ZNF148: variants seen among roughly 807,000 people sequenced by gnomAD.
ZNF148 encodes the protein zinc finger protein 148.
A neutral mutation model predicts 67.7 loss-of-function variants in ZNF148; 7 were observed. That is an observed-to-expected ratio of 0.10 (90% CI 0.06 to 0.19). The LOEUF (loss-of-function observed/expected upper bound fraction) is 0.19, where lower values mean the gene tolerates loss of function less well. ZNF148 is among the 10% of genes least tolerant of loss of function. The pLI is 1.00. For missense variants in ZNF148, 583 were observed against 947.1 expected, an observed-to-expected ratio of 0.62 and a Z score of 5.05; for synonymous variants, 333 against 330.7, an observed-to-expected ratio of 1.01 and a Z score of -0.08.
chr3:125,241,648 T>C (rs766588404), intron 7 of ZNF148, among the ~76,000 whole-genome samples: 4 of 152,224 alleles, frequency 2.6e-5, no homozygotes, highest in Non-Finnish European at 5.9e-5. Flanking sequence ...TGGAAAGACA[T>C]ACTACAATTT....
chr3:125,353,633 A>G (rs1476050750), intron 1 of ZNF148, among the ~76,000 whole-genome samples: 2 of 151,956 alleles, frequency 1.3e-5, no homozygotes, highest in Non-Finnish European at 2.9e-5. Context: ...CTTTTTTTAT[A>G]TAGTAGGGAC....
At chr3:125,325,965 T>TTCCA (rs1940999202) in intron 2 of ZNF148, among the ~76,000 whole-genome samples, 2 of 152,162 alleles carry the variant, frequency 1.3e-5, no homozygotes, top group Non-Finnish European at 2.9e-5. Context: ...AGTGGCTAAC[T>TTCCA]TCCAGTTAGA....
intron 1 of ZNF148, among the ~76,000 whole-genome samples, chr3:125,353,040 C>A (rs1428008858): frequency 6.6e-6 from 1 of 152,130 alleles, no homozygotes; most frequent in Non-Finnish European, 1.5e-5. Flanking sequence ...ACCCAGCAAT[C>A]CCACTCTTGG....
intron 1 of ZNF148, among the ~76,000 whole-genome samples, chr3:125,343,201 G>C (rs1339025456): frequency 1.3e-5 from 2 of 152,084 alleles, no homozygotes; most frequent in Admixed American, 6.5e-5. Context: ...TACGTGTTTT[G>C]GTTTAGTATG....
intron 4 of ZNF148, among the ~76,000 whole-genome samples, chr3:125,304,414 G>C (rs1939764659): frequency 6.6e-6 from 1 of 152,132 alleles, no homozygotes; most frequent in Non-Finnish European, 1.5e-5. Context: ...CCATAAGGAG[G>C]GGGTCTGCTT....
intron 8 of ZNF148, 124 bp downstream of exon 8, chr3:125,234,087 T>A: frequency 8.0e-7 from 1 of 1,256,572 alleles, no homozygotes; most frequent in South Asian, 1.5e-5. Context: ...TTTTCTATTA[T>A]AAATCTAATC....
chr3:125,247,968 T>G (rs1936675611), intron 7 of ZNF148, among the ~76,000 whole-genome samples: 3 of 152,204 alleles, frequency 2.0e-5, no homozygotes, highest in Admixed American at 6.5e-5. Context: ...CATATATTTA[T>G]GACACTTCCA....
chr3:125,342,590 T>C (rs1238171480), intron 1 of ZNF148, among the ~76,000 whole-genome samples: 1 of 150,076 alleles, frequency 6.7e-6, no homozygotes, highest in Admixed American at 6.6e-5. Context: ...TGAAGAAAAG[T>C]TAAAAAAAAA....
intron 7 of ZNF148, among the ~76,000 whole-genome samples, chr3:125,265,772 G>A (rs898513323): frequency 6.6e-6 from 1 of 152,158 alleles, no homozygotes; most frequent in African/African-American, 2.4e-5. Flanking sequence ...AAGTACAATA[G>A]GCCCATATAG....
chr3:125,294,765 GA>G (rs1207246482), intron 4 of ZNF148, among the ~76,000 whole-genome samples: 3 of 152,022 alleles, frequency 2.0e-5, no homozygotes, highest in African/African-American at 7.2e-5. Context: ...TAAGGCCCAG[GA>G]AGGTTGAGTT....
At chr3:125,319,589 T>C (rs1327194471) in intron 3 of ZNF148, among the ~76,000 whole-genome samples, 1 of 152,230 alleles carries the variant, frequency 6.6e-6, no homozygotes, top group Non-Finnish European at 1.5e-5. Context: ...AATTAATATG[T>C]TTATGTCTGT....
chr3:125,307,128 C>G (rs1026706580), intron 4 of ZNF148, among the ~76,000 whole-genome samples: 20 of 150,926 alleles, frequency 1.3e-4, no homozygotes, highest in Non-Finnish European at 2.9e-5. Flanking sequence ...AAACTGAATT[C>G]AACAAGAAAA....
intron 1 of ZNF148, among the ~76,000 whole-genome samples, chr3:125,360,879 A>G (rs776418956): frequency 5.3e-5 from 8 of 150,758 alleles, no homozygotes; most frequent in African/African-American, 7.3e-5. Context: ...ATATATAGAA[A>G]AGAAAAGCCA....
intron 1 of ZNF148, among the ~76,000 whole-genome samples, chr3:125,340,229 C>CG (rs975622424): frequency 1.3e-5 from 2 of 152,162 alleles, no homozygotes; most frequent in African/African-American, 4.8e-5. Flanking sequence ...CACATTCCTC[C>CG]GCCAAAACAA....
intron 7 of ZNF148, among the ~76,000 whole-genome samples, chr3:125,243,273 A>G (rs977815330): frequency 3.9e-5 from 6 of 152,078 alleles, no homozygotes; most frequent in East Asian, 1.9e-4. Context: ...TTCTTCTGTT[A>G]TATCTTCTAT....
chr3:125,273,396 T>G (rs1018321188), intron 7 of ZNF148, among the ~76,000 whole-genome samples: 1 of 152,010 alleles, frequency 6.6e-6, no homozygotes, highest in African/African-American at 2.4e-5. Flanking sequence ...ATCTAAGAAC[T>G]AAAGGCTTAA....
intron 7 of ZNF148, among the ~76,000 whole-genome samples, chr3:125,259,863 G>GTTT (rs1937257492): frequency 6.6e-6 from 1 of 152,118 alleles, no homozygotes; most frequent in Admixed American, 6.6e-5. Context: ...GGCTTTCAAC[G>GTTT]TATCTTCCTC....
intron 3 of ZNF148, among the ~76,000 whole-genome samples, chr3:125,322,227 C>T (rs538870128): frequency 2.8e-4 from 42 of 151,864 alleles, no homozygotes; most frequent in African/African-American, 9.7e-4. Flanking sequence ...AGGGTTTCAC[C>T]GTGTGAGCCA....
intron 3 of ZNF148, among the ~76,000 whole-genome samples, chr3:125,317,863 G>A (rs572471508): frequency 4.8e-4 from 73 of 151,710 alleles, no homozygotes; most frequent in African/African-American, 1.6e-3. Flanking sequence ...CAAGCTAACA[G>A]GGTATGAGTA....
Sources: gnomAD v4.1 joint callset for allele counts (sites outside exome capture counted in the v4.1 genomes callset) on GRCh38, gnomAD v4.1.1 for gene constraint, MANE v1.5 for transcripts, NCBI Gene and HGNC (gene_info 2026-07-23, HGNC 2026-07-21) for gene names.